IMMP2L: variants seen among roughly 807,000 people sequenced by gnomAD.
IMMP2L encodes inner mitochondrial membrane peptidase subunit 2.
IMMP2L carries 18 observed loss-of-function variants against 19.3 expected under a neutral mutation model. The ratio of observed to expected loss-of-function variants is 0.93; its 90% CI spans 0.64 to 1.38. The LOEUF (loss-of-function observed/expected upper bound fraction) is 1.38. Ranked by LOEUF, IMMP2L falls within the 40% of genes most tolerant of loss-of-function variation. The pLI is 0.00. For synonymous variants in IMMP2L, 76 were observed against 73.0 expected (o/e 1.04, Z -0.21); for missense variants, 233 against 218.2 (o/e 1.07, Z -0.43).
chr7:111,082,743 T>C (rs1330727429), intron 3 of IMMP2L, among the ~76,000 whole-genome samples: 1 of 151,900 alleles, frequency 6.6e-6, no homozygotes, highest in Non-Finnish European at 1.5e-5. Context: ...TCTAATCAAA[T>C]GTACCCTTTA....
intron 3 of IMMP2L, among the ~76,000 whole-genome samples, chr7:111,291,089 C>T (rs938602210): frequency 1.3e-5 from 2 of 152,038 alleles, no homozygotes; most frequent in South Asian, 4.1e-4. Context: ...AGAAACCACT[C>T]CCTCCCTTAA....
intron 3 of IMMP2L, among the ~76,000 whole-genome samples, chr7:111,235,139 C>A (rs1036719559): frequency 6.6e-6 from 1 of 152,086 alleles, no homozygotes; most frequent in Admixed American, 6.6e-5. Context: ...GTTTTTATTT[C>A]ATCTTTATTT....
At chr7:111,003,116 T>C (rs1217854825) in intron 3 of IMMP2L, among the ~76,000 whole-genome samples, 1 of 152,192 alleles carries the variant, frequency 6.6e-6, no homozygotes, top group African/African-American at 2.4e-5. Context: ...TTACTGTTCT[T>C]AGTTTATGTT....
intron 3 of IMMP2L, among the ~76,000 whole-genome samples, chr7:111,257,052 C>T (rs1009675584): frequency 2.0e-5 from 3 of 152,076 alleles, no homozygotes; most frequent in Non-Finnish European, 4.4e-5. Flanking sequence ...AAGTTTTTCT[C>T]TTTCACATTT....
intron 5 of IMMP2L, among the ~76,000 whole-genome samples, chr7:110,749,542 T>A (rs1228445009): frequency 6.6e-6 from 1 of 152,154 alleles, no homozygotes; most frequent in Non-Finnish European, 1.5e-5. Flanking sequence ...GTGGCACATA[T>A]ACACCATGGA....
intron 3 of IMMP2L, among the ~76,000 whole-genome samples, chr7:111,350,350 C>CATATAT (rs35448482): frequency 4.8e-5 from 7 of 147,214 alleles, no homozygotes; most frequent in African/African-American, 9.9e-5. Context: ...TGCATATATA[C>CATATAT]ATATATATAT....
At chr7:111,391,301 T>C (rs1048665982) in intron 3 of IMMP2L, among the ~76,000 whole-genome samples, 4 of 152,152 alleles carry the variant, frequency 2.6e-5, no homozygotes, top group African/African-American at 4.8e-5. Context: ...GGCTACTCTC[T>C]AGTCTGCACC....
At chr7:111,084,300 TAA>T (rs56331509) in intron 3 of IMMP2L, among the ~76,000 whole-genome samples, 1,544 of 128,900 alleles carry the variant, frequency 0.012, 38 homozygotes, top group East Asian at 0.081. Context: ...GAAATAAAAT[TAA>T]AAAAAAAAAA....
intron 3 of IMMP2L, among the ~76,000 whole-genome samples, chr7:111,327,147 T>C (rs1825403244): frequency 6.6e-6 from 1 of 151,712 alleles, no homozygotes; most frequent in Non-Finnish European, 1.5e-5. Context: ...GAAGCGCAAA[T>C]ACTGCATACA....
chr7:111,302,601 G>A (rs960774058), intron 3 of IMMP2L, among the ~76,000 whole-genome samples: 1 of 151,992 alleles, frequency 6.6e-6, no homozygotes, highest in African/African-American at 2.4e-5. Flanking sequence ...AAAAGAAATT[G>A]AAGCACGGAG....
At chr7:111,331,356 T>C (rs1276239360) in intron 3 of IMMP2L, among the ~76,000 whole-genome samples, 1 of 151,934 alleles carries the variant, frequency 6.6e-6, no homozygotes, top group South Asian at 2.1e-4. Context: ...CTCACTTATA[T>C]GTGAAATCTA....
At chr7:110,984,504 A>G (rs1821651403) in intron 3 of IMMP2L, among the ~76,000 whole-genome samples, 1 of 152,128 alleles carries the variant, frequency 6.6e-6, no homozygotes, top group Non-Finnish European at 1.5e-5. Flanking sequence ...AAGAGGTAAA[A>G]CCAGTACTAA....
chr7:110,705,139 C>G (rs887355005), intron 5 of IMMP2L, among the ~76,000 whole-genome samples: 5 of 152,116 alleles, frequency 3.3e-5, no homozygotes, highest in African/African-American at 7.2e-5. Flanking sequence ...GAATTTACAG[C>G]TACTAAGAAG....
chr7:110,897,894 G>C (rs1015572856), intron 4 of IMMP2L, among the ~76,000 whole-genome samples: 40 of 152,024 alleles, frequency 2.6e-4, no homozygotes, highest in African/African-American at 9.7e-4. Flanking sequence ...ATGTGAATGT[G>C]AATATGGGAA....
At chr7:111,266,544 CAAAA>C (rs530670317) in intron 3 of IMMP2L, among the ~76,000 whole-genome samples, 5 of 88,746 alleles carry the variant, frequency 5.6e-5, no homozygotes, top group African/African-American at 8.2e-5. Context: ...CTATGTCTCC[CAAAA>C]AAAAAAAAAA....
intron 4 of IMMP2L, among the ~76,000 whole-genome samples, chr7:110,950,546 C>T (rs925650392): frequency 2.6e-5 from 4 of 151,602 alleles, no homozygotes; most frequent in African/African-American, 9.7e-5. Flanking sequence ...ATAGAACTAC[C>T]ATATATGATC....
intron 4 of IMMP2L, among the ~76,000 whole-genome samples, chr7:110,926,433 T>C (rs1231930623): frequency 6.6e-6 from 1 of 152,092 alleles, no homozygotes. Flanking sequence ...AATACCAAAC[T>C]AGGTTTAAAA....
chr7:111,268,774 A>G (rs1027058871), intron 3 of IMMP2L, among the ~76,000 whole-genome samples: 2 of 150,948 alleles, frequency 1.3e-5, no homozygotes, highest in East Asian at 3.9e-4. Flanking sequence ...TAATTTTTCT[A>G]TTTTATGTAG....
At chr7:111,102,821 T>C (rs1013431487) in intron 3 of IMMP2L, among the ~76,000 whole-genome samples, 12 of 151,540 alleles carry the variant, frequency 7.9e-5, no homozygotes, top group Non-Finnish European at 1.8e-4. Context: ...GCTAGGGTCA[T>C]AAAAGACTTC....
Sources: allele counts gnomAD v4.1 joint callset (sites outside exome capture counted in the v4.1 genomes callset), GRCh38; gene constraint gnomAD v4.1.1; transcripts MANE v1.5; gene names NCBI Gene and HGNC (gene_info 2026-07-23, HGNC 2026-07-21).